The following CDH13 variants were observed in gnomAD, a reference collection of about 807,000 sequenced individuals.
CDH13 encodes the protein cadherin-13.
CDH13 carries 24 observed loss-of-function variants against 63.8 expected under a neutral mutation model. The observed-to-expected ratio is 0.38, with a 90% CI of 0.27 to 0.53. CDH13 has a LOEUF of 0.53. Among genes scored for constraint, CDH13 ranks in the 20% least tolerant of loss-of-function variants. The probability of loss-of-function intolerance (pLI) is 0.85; values close to 1 mark genes in which losing one functional copy is unlikely to be tolerated. For synonymous variants in CDH13, 503 were observed against 355.3 expected, an observed-to-expected ratio of 1.42 and a Z score of -4.67; for missense variants, 1,049 against 903.1, an observed-to-expected ratio of 1.16 and a Z score of -2.07.
intron 11 of CDH13, among the ~76,000 whole-genome samples, chr16:83,750,708 A>G (rs1913008702): frequency 6.6e-6 from 1 of 152,210 alleles, no homozygotes; most frequent in South Asian, 2.1e-4. Context: ...AGTTCCAAAG[A>G]TTCCCTGTAA....
intron 7 of CDH13, among the ~76,000 whole-genome samples, chr16:83,494,136 ATTTCT>A (rs1056428469): frequency 1.5e-4 from 23 of 152,172 alleles, no homozygotes; most frequent in Admixed American, 5.9e-4. Flanking sequence ...TCTCTAAGAT[ATTTCT>A]TTTCTTTTTG....
intron 1 of CDH13, among the ~76,000 whole-genome samples, chr16:82,633,228 A>G (rs8043856): frequency 0.23 from 35,567 of 152,212 alleles, 5,252 homozygotes; most frequent in East Asian, 0.54. Flanking sequence ...GCTGAGCATC[A>G]TCATTCCATG....
At chr16:82,864,090 C>G (rs909556981) in intron 2 of CDH13, among the ~76,000 whole-genome samples, 1 of 152,108 alleles carries the variant, frequency 6.6e-6, no homozygotes, top group Non-Finnish European at 1.5e-5. Context: ...AAAAATGCAC[C>G]AAATATTCTT....
rs183880523 is a variant in CDH13, at chr16:83,605,089, C to T, written c.1101+2495C>T. Among the ~76,000 whole-genome samples the T allele has an allele frequency of 5.6e-4, 85 of 152,254 alleles. 1 individual carries two copies. The highest frequency in any genetic ancestry group is 2.0e-3 in the African/African-American group (83 of 41,560). On this transcript the variant is annotated intron_variant, in intron 8 of 13. Coordinates refer to ENST00000567109, the MANE Select transcript of CDH13 (RefSeq NM_001257.5). ...AAAAAATAAATTTTGAAAAAAGAGA[C>T]ACTGAGTAGCATAAGGAAAATGTAT... is the stretch of plus-strand genomic sequence containing the variant.
chr16:83,183,629 G>T (rs1362014688), intron 4 of CDH13, among the ~76,000 whole-genome samples: 46 of 152,144 alleles, frequency 3.0e-4, no homozygotes, highest in Non-Finnish European at 4.4e-5. Flanking sequence ...CAAAGTCAGG[G>T]TGTGTTTAGT....
At chr16:83,614,648 T>C (rs189924503) in intron 8 of CDH13, among the ~76,000 whole-genome samples, 150 of 152,304 alleles carry the variant, frequency 9.8e-4, no homozygotes, top group Non-Finnish European at 1.7e-3. Flanking sequence ...TAAATCCATA[T>C]CCTGGTTGTT....
chr16:83,092,920 G>C (rs148864013), intron 3 of CDH13, among the ~76,000 whole-genome samples: 241 of 152,214 alleles, frequency 1.6e-3, no homozygotes, highest in African/African-American at 5.7e-3. Flanking sequence ...TAAAGGTAAC[G>C]GTACTTTTGC....
At chr16:83,496,672 A>C (rs1236453150) in intron 7 of CDH13, among the ~76,000 whole-genome samples, 1 of 152,240 alleles carries the variant, frequency 6.6e-6, no homozygotes, top group African/African-American at 2.4e-5. Flanking sequence ...GGATCTAATT[A>C]AACGAAAGAG....
chr16:83,391,638 C>T (rs779698301), intron 6 of CDH13, among the ~76,000 whole-genome samples: 1 of 152,148 alleles, frequency 6.6e-6, no homozygotes, highest in Non-Finnish European at 1.5e-5. Flanking sequence ...ATGAAGTGGT[C>T]CCGCCAGAGT....
intron 2 of CDH13, among the ~76,000 whole-genome samples, chr16:82,984,519 T>A (rs1910692629): frequency 6.6e-6 from 1 of 152,206 alleles, no homozygotes; most frequent in Non-Finnish European, 1.5e-5. Context: ...TTTCCTAAAT[T>A]TACTGAAATT....
At chr16:82,718,977 C>G (rs1005380516) in intron 1 of CDH13, among the ~76,000 whole-genome samples, 1 of 152,206 alleles carries the variant, frequency 6.6e-6, no homozygotes, top group Non-Finnish European at 1.5e-5. Context: ...TGGTCCGTAT[C>G]TGTTCTGGTT....
chr16:83,659,163 A>G (rs949619197), intron 8 of CDH13, among the ~76,000 whole-genome samples: 2 of 140,474 alleles, frequency 1.4e-5, no homozygotes, highest in Non-Finnish European at 3.0e-5. Flanking sequence ...TGTCCTCACC[A>G]CCAGGTCCCA....
chr16:83,715,238 T>A (rs915149504), intron 10 of CDH13, among the ~76,000 whole-genome samples: 10 of 152,188 alleles, frequency 6.6e-5, no homozygotes, highest in African/African-American at 2.2e-4. Flanking sequence ...GCAGAGTTAC[T>A]TATGGCCAAC....
At chr16:82,639,588 A>G (rs970770925) in intron 1 of CDH13, 5 of 661,768 alleles carry the variant, frequency 7.6e-6, no homozygotes, top group African/African-American at 5.3e-5. Context: ...TCCCCAAACA[A>G]AAAGAAAACA....
At chr16:82,970,935 A>G (rs1451759794) in intron 2 of CDH13, among the ~76,000 whole-genome samples, 4 of 152,204 alleles carry the variant, frequency 2.6e-5, no homozygotes, top group Non-Finnish European at 4.4e-5. Flanking sequence ...CACATTTAAA[A>G]TATTTGTTGA....
intron 10 of CDH13, among the ~76,000 whole-genome samples, chr16:83,701,464 C>A (rs1476059725): frequency 6.6e-6 from 1 of 152,326 alleles, no homozygotes; most frequent in African/African-American, 2.4e-5. Flanking sequence ...GTAGGCCGTA[C>A]CCCATGCACA....
chr16:83,165,512 G>T (rs569495983), intron 4 of CDH13, among the ~76,000 whole-genome samples: 2 of 152,206 alleles, frequency 1.3e-5, no homozygotes, highest in African/African-American at 4.8e-5. Flanking sequence ...GCAGAGGAGG[G>T]TGCTAAGTTC....
At chr16:83,401,922 T>A (rs767068182) in intron 6 of CDH13, among the ~76,000 whole-genome samples, 1 of 152,216 alleles carries the variant, frequency 6.6e-6, no homozygotes, top group Non-Finnish European at 1.5e-5. Context: ...AGTCTCATAT[T>A]CATCTGGAGA....
intron 6 of CDH13, among the ~76,000 whole-genome samples, chr16:83,379,938 T>TATATATATATAGAGAGAG: frequency 8.1e-5 from 10 of 123,446 alleles, no homozygotes; most frequent in African/African-American, 1.3e-4. Flanking sequence ...TATATATATA[T>TATATATATATAGAGAGAG]AGAGAGAGAG....
Sources: gnomAD v4.1 joint callset for allele counts (sites outside exome capture counted in the v4.1 genomes callset) on GRCh38, gnomAD v4.1.1 for gene constraint, MANE v1.5 for transcripts, NCBI Gene and HGNC (gene_info 2026-07-23, HGNC 2026-07-21) for gene names.